The following DPYS variants were observed in gnomAD, a reference collection of about 807,000 sequenced individuals.
DPYS encodes the protein dihydropyrimidine amidohydrolase.
Under a neutral mutation model 50.3 loss-of-function variants are expected in DPYS, and 39 were observed. The ratio of observed to expected loss-of-function variants is 0.78; its 90% CI spans 0.60 to 1.01. The LOEUF (loss-of-function observed/expected upper bound fraction) is 1.01. Ranked by LOEUF, DPYS falls within the 50% of genes least tolerant of loss-of-function variation. DPYS has a pLI of 0.00. For synonymous variants in DPYS, 245 were observed against 250.7 expected (o/e 0.98, Z 0.22); for missense variants, 659 against 680.9 (o/e 0.97, Z 0.36).
intron 1 of DPYS, among the ~76,000 whole-genome samples, chr8:104,465,600 T>C (rs1814345142): frequency 6.6e-6 from 1 of 152,172 alleles, no homozygotes; most frequent in South Asian, 2.1e-4. Flanking sequence ...TTTGGGGAAA[T>C]GTTGCAGGGG....
intron 7 of DPYS, among the ~76,000 whole-genome samples, chr8:104,397,456 C>T (rs1164721809): frequency 1.3e-5 from 2 of 152,172 alleles, no homozygotes; most frequent in Non-Finnish European, 2.9e-5. Flanking sequence ...CCTCCACTGT[C>T]TTCTGGGACA....
chr8:104,416,985 C>A (rs1329039875), intron 7 of DPYS, among the ~76,000 whole-genome samples: 1 of 152,080 alleles, frequency 6.6e-6, no homozygotes, highest in Non-Finnish European at 1.5e-5. Context: ...AGCCATTACT[C>A]TTCACTGAAT....
rs567644510 is a variant in DPYS, at chr8:104,463,196, T to G, written c.264+3461A>C. On this transcript the variant is annotated intron_variant, in intron 1 of 9. Transcript: ENST00000351513. ...AGTATAATATATCATTTTTACTTTA[T>G]GCTTTTTCTGTACTTAAGGTCCATT... Among the ~76,000 whole-genome samples the G allele has an allele frequency of 1.3e-5, 2 of 152,232 alleles. 1 individual carries two copies. Among genetic ancestry groups the G allele is most frequent in the African/African-American group, 4.8e-5 (2 of 41,462 alleles).
At chr8:104,426,504 TAAG>T (rs1332589450) in intron 6 of DPYS, among the ~76,000 whole-genome samples, 2 of 152,148 alleles carry the variant, frequency 1.3e-5, no homozygotes, top group Non-Finnish European at 2.9e-5. Flanking sequence ...AAGAAAGAAA[TAAG>T]GAGGCCCTTT....
chr8:104,413,528 T>A (rs1417420060), intron 7 of DPYS, among the ~76,000 whole-genome samples: 1 of 152,082 alleles, frequency 6.6e-6, no homozygotes, highest in Non-Finnish European at 1.5e-5. Context: ...TTGTACTTTT[T>A]AAAAAAATTA....
intron 7 of DPYS, among the ~76,000 whole-genome samples, chr8:104,399,123 TC>T: frequency 6.6e-6 from 1 of 151,718 alleles, no homozygotes. Flanking sequence ...AAACCCTGTC[TC>T]TACTAAAAAT....
chr8:104,400,977 C>T (rs79597569), intron 7 of DPYS, among the ~76,000 whole-genome samples: 10 of 152,308 alleles, frequency 6.6e-5, no homozygotes, highest in African/African-American at 2.2e-4. Context: ...ATAGCAACAC[C>T]ACCCATATGC....
At chr8:104,381,150 T>A in intron 9 of DPYS, 34 bp downstream of exon 9, 1 of 1,552,208 alleles carries the variant, frequency 6.4e-7, no homozygotes, top group Non-Finnish European at 8.9e-7. Context: ...TATGCTGTCA[T>A]GCAGGAAGAC....
intron 8 of DPYS, among the ~76,000 whole-genome samples, chr8:104,384,713 G>A (rs114293939): frequency 0.011 from 1,644 of 152,292 alleles, 29 homozygotes; most frequent in African/African-American, 0.037. Flanking sequence ...AGATGAATAT[G>A]GTGATAATAA....
rs555337436 is a variant in DPYS, at chr8:104,418,941, C to T, written c.1235+5306G>A. ...GCTTGACCCTCAGCCTGCGGCTTGC[C>T]GAGGTGCTCCTGTGCAGAGTGAATT... On this transcript the variant is annotated intron_variant, in intron 7 of 9. Transcript: ENST00000351513. 14 of 928,858 alleles carry T rather than the reference C, an allele frequency of 1.5e-5. No homozygotes were observed. In the South Asian group the frequency reaches 5.9e-4, roughly 39 times the overall value. The allele number at this position is 928,858 out of a possible 1,614,324, so 57.5% of individuals were successfully genotyped here.
rs535403987 is a variant in DPYS at position 104,411,347 on chromosome 8, T to C, written c.1235+12900A>G. The stretch of plus-strand genomic sequence containing the variant: ...TCCTTCTACACAGATAAAGGCTCCA[T>C]TTGTTTTTCTTGTGGGTAAATTGCC... On this transcript the variant is annotated intron_variant, in intron 7 of 9. Transcript: ENST00000351513. Among the ~76,000 whole-genome samples the C allele has an allele frequency of 2.0e-5, 3 of 152,342 alleles. No homozygotes were observed. In the South Asian group the frequency reaches 6.2e-4, roughly 32 times the overall value.
chr8:104,451,249 G>A lies in DPYS; in HGVS notation c.420C>T (p.Asp140=). The part of the protein sequence containing the change: ...SLHVAVTWWS[D]QVKEEMKILV... The stretch of plus-strand genomic sequence containing the variant: ...CATTGAAATCCAGGTGCTTTACCTG[G>A]TCACTCCACCACGTCACTGCCACAT... Residue 140 remains aspartate (D), a synonymous_variant, in exon 2 of 10, where the codon GAC becomes GAT. Transcript: ENST00000351513. 6.2e-7 allele frequency: 1 copy of A among 1,613,824 alleles called. No homozygotes were observed. The highest frequency in any genetic ancestry group is 8.5e-7 in the Non-Finnish European group (1 of 1,179,984).
intron 4 of DPYS, among the ~76,000 whole-genome samples, chr8:104,432,764 T>TC (rs1357116426): frequency 2.0e-5 from 3 of 152,160 alleles, no homozygotes; most frequent in African/African-American, 7.2e-5. Context: ...TGAAATGGGA[T>TC]CATAGTGTCC....
chr8:104,415,908 A>T (rs751158319), intron 7 of DPYS, among the ~76,000 whole-genome samples: 2 of 152,160 alleles, frequency 1.3e-5, no homozygotes, highest in Non-Finnish European at 2.9e-5. Flanking sequence ...CTCATTTCAC[A>T]AACTGACCAC....
chr8:104,438,801 G>A (rs563819324), intron 4 of DPYS, among the ~76,000 whole-genome samples: 41 of 152,292 alleles, frequency 2.7e-4, no homozygotes, highest in African/African-American at 9.9e-4. Flanking sequence ...AGAGATGTCA[G>A]GCTGGGCGTG....
chr8:104,415,316 G>A lies in DPYS; in HGVS notation c.1235+8931C>T, dbSNP rs890542581. Among the ~76,000 whole-genome samples, 120 of 152,320 alleles carry A rather than the reference G, an allele frequency of 7.9e-4. 1 individual carries two copies. Among genetic ancestry groups the A allele is most frequent in the African/African-American group, 2.8e-3 (116 of 41,570 alleles). On this transcript the variant is annotated intron_variant, in intron 7 of 9. Transcript: ENST00000351513. ...TGCTTATTTTTTGCCCAATGCTAAT[G>A]CTGAAAATAAACTGCTTACTCTGGC...
At position 104,388,404 on chromosome 8, in the gene DPYS, C is replaced by A. The variant is rs75147000; in HGVS notation, c.1443+4380G>T. On this transcript the variant is annotated intron_variant, in intron 8 of 9. Transcript: ENST00000351513. ...AAAAAGAGAAAAACAGATGACTTAA[C>A]AAATGTCTGTACTTTCACATTTTGT... Among the ~76,000 whole-genome samples, 788 of 152,164 alleles carry A rather than the reference C, an allele frequency of 5.2e-3. 3 individuals carry two copies. The highest frequency in any genetic ancestry group is 0.018 in the African/African-American group (753 of 41,534).
At chr8:104,387,797 TTAGA>T (rs1177874607) in intron 8 of DPYS, among the ~76,000 whole-genome samples, 2 of 152,232 alleles carry the variant, frequency 1.3e-5, no homozygotes, top group Non-Finnish European at 2.9e-5. Context: ...AAAAGAGTAC[TTAGA>T]AAGTGTCCTG....
chr8:104,432,420 A>G (rs1161281756), intron 4 of DPYS, among the ~76,000 whole-genome samples: 1 of 152,216 alleles, frequency 6.6e-6, no homozygotes, highest in African/African-American at 2.4e-5. Flanking sequence ...AACGCTAAAT[A>G]TTGAGTCCTG....
Sources: allele counts gnomAD v4.1 joint callset (sites outside exome capture counted in the v4.1 genomes callset), GRCh38; gene constraint gnomAD v4.1.1; transcripts MANE v1.5; gene names NCBI Gene and HGNC (gene_info 2026-07-23, HGNC 2026-07-21).